DGKG: variants seen among roughly 807,000 people sequenced by gnomAD.
DGKG encodes the protein diacylglycerol kinase gamma.
Under a neutral mutation model 105.3 loss-of-function variants are expected in DGKG, and 78 were observed. That is an observed-to-expected ratio of 0.74 (90% CI 0.62 to 0.89). The LOEUF (loss-of-function observed/expected upper bound fraction) is 0.89. Among genes scored for constraint, DGKG ranks in the 40% least tolerant of loss-of-function variants. DGKG has a pLI of 0.00. For missense variants in DGKG, 958 were observed against 1,020.1 expected (o/e 0.94, Z 0.83); for synonymous variants, 346 against 367.1 (o/e 0.94, Z 0.66).
At chr3:186,271,359 C>T (rs1722309717) in intron 11 of DGKG, among the ~76,000 whole-genome samples, 1 of 152,140 alleles carries the variant, frequency 6.6e-6, no homozygotes, top group Admixed American at 6.5e-5. Context: ...CTCAAGCTCT[C>T]CCTTCATTTT....
chr3:186,154,659 A>AG (rs1715943010), intron 24 of DGKG, among the ~76,000 whole-genome samples: 1 of 151,604 alleles, frequency 6.6e-6, no homozygotes, highest in East Asian at 1.9e-4. Flanking sequence ...AAAAAAAAAA[A>AG]AAAAGAAAAG....
chr3:186,343,281 T>C (rs1726172709), intron 1 of DGKG, among the ~76,000 whole-genome samples: 1 of 152,104 alleles, frequency 6.6e-6, no homozygotes, highest in African/African-American at 2.4e-5. Flanking sequence ...GCAAATCTAA[T>C]CTTCTTTCTT....
intron 20 of DGKG, among the ~76,000 whole-genome samples, chr3:186,232,927 A>G (rs1448637366): frequency 2.0e-5 from 3 of 152,210 alleles, no homozygotes; most frequent in Non-Finnish European, 4.4e-5. Flanking sequence ...TAATAAGAAT[A>G]TTAATAACAA....
At chr3:186,239,534 G>C (rs947834470) in intron 20 of DGKG, among the ~76,000 whole-genome samples, 2 of 152,212 alleles carry the variant, frequency 1.3e-5, no homozygotes, top group African/African-American at 4.8e-5. Flanking sequence ...GAAAATGGCT[G>C]CTTGCCTGCC....
chr3:186,262,528 C>G (rs551096222), intron 14 of DGKG, among the ~76,000 whole-genome samples: 1 of 152,314 alleles, frequency 6.6e-6, no homozygotes, highest in Non-Finnish European at 1.5e-5. Flanking sequence ...CCCAGGACAC[C>G]AGGTCAGCCA....
rs1715638026 is a variant in DGKG at position 186,149,130 on chromosome 3, G to T, written c.*960C>A. 2.0e-6 allele frequency: 2 copies of T among 985,116 alleles called. No individual in the cohort carries two copies. The highest frequency in any genetic ancestry group is 4.7e-5 in the South Asian group (1 of 21,274). The allele number at this position is 985,116 out of a possible 1,614,324, so 61.0% of individuals were successfully genotyped here. ...ACCGTCTCCTGGTTTCCCCAGCAAA[G>T]TTCCTTCCTTCCCATCTTTTCTGCC... is the stretch of plus-strand genomic sequence containing the variant. On this transcript the variant is annotated 3_prime_UTR_variant, in exon 25 of 25. Transcript: ENST00000265022.
chr3:186,260,518 G>A lies in DGKG; in HGVS notation c.1350-5C>T. On this transcript the variant is annotated splice_region_variant and splice_polypyrimidine_tract_variant and intron_variant, in intron 15 of 24. Coordinates refer to ENST00000265022, the MANE Select transcript of DGKG (RefSeq NM_001346.3). The stretch of plus-strand genomic sequence containing the variant: ...TAGTGGAATTTCCGAAGAATTCTAT[G>A]GAAAAAAAAAGAAAAGGAGGGAGAG... 7.5e-6 allele frequency: 12 copies of A among 1,602,340 alleles called. No individual in the cohort carries two copies. Among genetic ancestry groups the A allele is most frequent in the Non-Finnish European group, 1.0e-5 (12 of 1,172,708 alleles).
chr3:186,299,084 A>G (rs1256963650), intron 3 of DGKG, among the ~76,000 whole-genome samples: 1 of 152,096 alleles, frequency 6.6e-6, no homozygotes, highest in Non-Finnish European at 1.5e-5. Context: ...CTCAGCAAAC[A>G]CTCAACAACA....
At position 186,272,330 on chromosome 3, in the gene DGKG, A is replaced by G. The variant is rs763702399; in HGVS notation, c.924T>C (p.Thr308=). 1.2e-6 allele frequency: 2 copies of G among 1,613,468 alleles called. No homozygotes were observed. Among genetic ancestry groups the G allele is most frequent in the East Asian group, 4.5e-5 (2 of 44,872 alleles). The change falls in exon 11 of 25, where the codon ACT becomes ACC. Residue 308 remains threonine, a synonymous_variant. Coordinates refer to ENST00000265022, the MANE Select transcript of DGKG (RefSeq NM_001346.3). The part of the protein sequence containing the change: ...QGLCCTYCKY[T]VHERCVSRNI... The stretch of plus-strand genomic sequence containing the variant: ...TTCTGGACACACAGCGTTCGTGGAC[A>G]GTGTATTTACAGTCTGAAAAGAAAA...
At chr3:186,222,914 G>A (rs1719659146) in intron 20 of DGKG, among the ~76,000 whole-genome samples, 1 of 149,598 alleles carries the variant, frequency 6.7e-6, no homozygotes, top group African/African-American at 2.4e-5. Context: ...GGAGGCAGAG[G>A]TGGCCACTGC....
At chr3:186,332,566 G>A (rs1725651624) in intron 1 of DGKG, among the ~76,000 whole-genome samples, 2 of 152,150 alleles carry the variant, frequency 1.3e-5, no homozygotes, top group Non-Finnish European at 2.9e-5. Context: ...CCAAGCACAA[G>A]TCTGACTTTG....
intron 20 of DGKG, among the ~76,000 whole-genome samples, chr3:186,230,911 T>G (rs1578697961): frequency 6.6e-6 from 1 of 152,152 alleles, no homozygotes; most frequent in East Asian, 1.9e-4. Context: ...GTGTTTATCA[T>G]CCTGGATGAA....
chr3:186,298,188 G>T lies in DGKG; in HGVS notation c.186C>A (p.Tyr62Ter). 1 of 1,613,332 alleles carries T rather than the reference G, an allele frequency of 6.2e-7. No homozygotes were observed. Among genetic ancestry groups the T allele is most frequent in the Non-Finnish European group, 8.5e-7 (1 of 1,179,650 alleles). ...YDVFKLFMRA[Y>*]LEVDLPQPLS... ...GTGGCTGGGGAAGGTCCACCTCCAG[G>T]TACGCCCTCATGAACAGCTTGAAGA... The change falls in exon 4 of 25, where the codon TAC (tyrosine) becomes TAA (stop). Residue 62 changes from tyrosine (Y) to a stop codon, truncating the protein, a stop_gained. Coordinates refer to ENST00000265022, the MANE Select transcript of DGKG (RefSeq NM_001346.3). LOFTEE classifies it high-confidence loss of function.
intron 21 of DGKG, among the ~76,000 whole-genome samples, chr3:186,206,199 C>G (rs149265397): frequency 6.6e-6 from 1 of 152,098 alleles, no homozygotes; most frequent in Admixed American, 6.5e-5. Context: ...TCCTGCCCTA[C>G]GTGGTGAAAT....
chr3:186,340,215 G>A (rs1292933008), intron 1 of DGKG, among the ~76,000 whole-genome samples: 2 of 152,160 alleles, frequency 1.3e-5, no homozygotes, highest in African/African-American at 4.8e-5. Context: ...AGCTGTAGAA[G>A]ACAAAACATT....
At chr3:186,353,622 CTCTATCTATA>C (rs1168005384) in intron 1 of DGKG, among the ~76,000 whole-genome samples, 4 of 145,180 alleles carry the variant, frequency 2.8e-5, no homozygotes, top group East Asian at 2.0e-4. Flanking sequence ...TATATAGACT[CTCTATCTATA>C]TCTATATCTA....
At chr3:186,192,176 T>C (rs1383532994) in intron 21 of DGKG, among the ~76,000 whole-genome samples, 1 of 151,984 alleles carries the variant, frequency 6.6e-6, no homozygotes, top group Admixed American at 6.6e-5. Flanking sequence ...GCCCAGCTAA[T>C]TTTTTTTCTA....
chr3:186,217,861 A>T (rs888969738), intron 20 of DGKG, among the ~76,000 whole-genome samples: 2 of 152,246 alleles, frequency 1.3e-5, no homozygotes, highest in African/African-American at 4.8e-5. Flanking sequence ...ATTTGGGCTT[A>T]GAAGTCTACA....
At chr3:186,318,599 T>C (rs539606293) in intron 2 of DGKG, among the ~76,000 whole-genome samples, 5 of 152,076 alleles carry the variant, frequency 3.3e-5, no homozygotes, top group Non-Finnish European at 7.4e-5. Flanking sequence ...TCCAGGCCAA[T>C]AAGGTTGTGC....
Sources: allele counts gnomAD v4.1 joint callset (sites outside exome capture counted in the v4.1 genomes callset), GRCh38; gene constraint gnomAD v4.1.1; transcripts MANE v1.5; gene names NCBI Gene and HGNC (gene_info 2026-07-23, HGNC 2026-07-21).